The following LDB2 variants were observed in gnomAD, a reference collection of about 807,000 sequenced individuals.
The protein encoded by LDB2 is LIM domain-binding protein 2.
In LDB2, 12 loss-of-function variants were observed where a neutral mutation model predicts 44.3. That is an observed-to-expected ratio of 0.27 (90% CI 0.17 to 0.44). LDB2 has a LOEUF of 0.44. Ranked by LOEUF, LDB2 falls within the 20% of genes least tolerant of loss-of-function variation. The pLI, the probability that LDB2 is intolerant of heterozygous loss-of-function variation, is 1.00. For missense variants in LDB2, 344 were observed against 473.5 expected (o/e 0.73, Z 2.54); for synonymous variants, 164 against 174.8 (o/e 0.94, Z 0.49).
At chr4:16,552,127 T>C (rs1737901495) in intron 5 of LDB2, among the ~76,000 whole-genome samples, 1 of 152,204 alleles carries the variant, frequency 6.6e-6, no homozygotes, top group East Asian at 1.9e-4. Context: ...TTGTATTATA[T>C]TTTGTGTACC....
chr4:16,720,268 G>C (rs1056087918), intron 2 of LDB2, among the ~76,000 whole-genome samples: 1 of 152,036 alleles, frequency 6.6e-6, no homozygotes, highest in Non-Finnish European at 1.5e-5. Flanking sequence ...GAGGGGTGGT[G>C]GGGGCGGGTA....
chr4:16,591,813 A>G (rs573383749), intron 3 of LDB2, among the ~76,000 whole-genome samples: 1 of 152,202 alleles, frequency 6.6e-6, no homozygotes, highest in Non-Finnish European at 1.5e-5. Context: ...CTCTCTTCAG[A>G]AAAATTCTGT....
intron 2 of LDB2, among the ~76,000 whole-genome samples, chr4:16,597,163 T>C (rs921459007): frequency 6.6e-6 from 1 of 152,122 alleles, no homozygotes; most frequent in African/African-American, 2.4e-5. Context: ...TTGGAAAAAA[T>C]AAGTATAAAG....
At chr4:16,881,034 G>A (rs1719947743) in intron 1 of LDB2, among the ~76,000 whole-genome samples, 1 of 152,024 alleles carries the variant, frequency 6.6e-6, no homozygotes, top group Non-Finnish European at 1.5e-5. Context: ...ACAGATACTG[G>A]TCCCACAGTT....
At chr4:16,725,342 C>A (rs553380387) in intron 2 of LDB2, among the ~76,000 whole-genome samples, 53 of 151,874 alleles carry the variant, frequency 3.5e-4, no homozygotes, top group African/African-American at 1.2e-3. Flanking sequence ...TAGACAATGG[C>A]CAGACCATAC....
At chr4:16,798,936 C>T (rs1028460437) in intron 1 of LDB2, among the ~76,000 whole-genome samples, 1 of 152,094 alleles carries the variant, frequency 6.6e-6, no homozygotes, top group Non-Finnish European at 1.5e-5. Flanking sequence ...CTGCAAACTC[C>T]GCCTCCCGGG....
At chr4:16,519,757 A>G (rs1439639424) in intron 5 of LDB2, among the ~76,000 whole-genome samples, 1 of 151,670 alleles carries the variant, frequency 6.6e-6, no homozygotes, top group African/African-American at 2.4e-5. Context: ...TTCCTCATCT[A>G]GAAAATGGGG....
At chr4:16,890,045 C>G (rs1580525376) in intron 1 of LDB2, among the ~76,000 whole-genome samples, 1 of 152,276 alleles carries the variant, frequency 6.6e-6, no homozygotes, top group East Asian at 1.9e-4. Context: ...TAATACTTAG[C>G]TGAGTTATTA....
chr4:16,679,871 T>G (rs1041366538), intron 2 of LDB2, among the ~76,000 whole-genome samples: 3 of 152,252 alleles, frequency 2.0e-5, no homozygotes, highest in Admixed American at 2.0e-4. Context: ...CAGCCACTTA[T>G]GTCTCTGCAT....
chr4:16,701,057 G>T (rs1045608050), intron 2 of LDB2, among the ~76,000 whole-genome samples: 3 of 152,146 alleles, frequency 2.0e-5, no homozygotes, highest in Admixed American at 6.6e-5. Context: ...AAGCACAGAA[G>T]GGTTAAATAA....
intron 2 of LDB2, among the ~76,000 whole-genome samples, chr4:16,635,991 C>G (rs755528286): frequency 2.0e-5 from 3 of 152,158 alleles, no homozygotes; most frequent in Non-Finnish European, 4.4e-5. Flanking sequence ...AGTGGAGGCT[C>G]TCACTGAGAA....
chr4:16,545,077 A>T (rs1293316546), intron 5 of LDB2, among the ~76,000 whole-genome samples: 1 of 152,142 alleles, frequency 6.6e-6, no homozygotes, highest in Non-Finnish European at 1.5e-5. Context: ...CACCAGCTGT[A>T]GCAAAGAAAA....
At chr4:16,531,472 G>T (rs1490884122) in intron 5 of LDB2, among the ~76,000 whole-genome samples, 1 of 152,198 alleles carries the variant, frequency 6.6e-6, no homozygotes, top group Non-Finnish European at 1.5e-5. Flanking sequence ...CAGGAGTTCT[G>T]CATCAAATCC....
intron 2 of LDB2, among the ~76,000 whole-genome samples, chr4:16,677,030 T>C (rs1413143562): frequency 6.6e-6 from 1 of 152,196 alleles, no homozygotes; most frequent in Non-Finnish European, 1.5e-5. Context: ...TTTGAGAAAG[T>C]CCCTTAACCT....
chr4:16,582,055 G>T lies in LDB2; in HGVS notation c.615+3867C>A, dbSNP rs1435271253. Among the ~76,000 whole-genome samples the T allele has an allele frequency of 1.4e-5, 2 of 145,426 alleles. No homozygotes were observed. The highest frequency in any genetic ancestry group is 3.1e-5 in the Non-Finnish European group (2 of 65,572). ...GAAGGAAGGAAGGAAGGAAGGAAAA[G>T]AAAGTAAGTCCCTGCAAAGCATATA... is the stretch of plus-strand genomic sequence containing the variant. On this transcript the variant is annotated intron_variant, in intron 5 of 7. Transcript: ENST00000304523. The surrounding 1 kb of genome is among the most constrained non-coding windows in gnomAD (Gnocchi z 4.8).
At chr4:16,634,138 A>C (rs545746032) in intron 2 of LDB2, among the ~76,000 whole-genome samples, 1 of 152,186 alleles carries the variant, frequency 6.6e-6, no homozygotes, top group African/African-American at 2.4e-5. Flanking sequence ...ACTTAAATGT[A>C]AGATCTAAGA....
At chr4:16,734,854 G>A (rs1207169022) in intron 2 of LDB2, among the ~76,000 whole-genome samples, 4 of 151,786 alleles carry the variant, frequency 2.6e-5, no homozygotes, top group South Asian at 2.1e-4. Context: ...GACAACAGGC[G>A]CCCACCACCA....
At chr4:16,647,523 C>T (rs1289346275) in intron 2 of LDB2, among the ~76,000 whole-genome samples, 1 of 152,092 alleles carries the variant, frequency 6.6e-6, no homozygotes, top group Non-Finnish European at 1.5e-5. Flanking sequence ...TAATATGCAG[C>T]CCCTAGTGAA....
intron 1 of LDB2, among the ~76,000 whole-genome samples, chr4:16,774,502 G>A (rs76013711): frequency 6.6e-6 from 1 of 152,126 alleles, no homozygotes; most frequent in Non-Finnish European, 1.5e-5. Context: ...GTTGTTTTCT[G>A]TATTCTTGTT....
Sources: allele counts gnomAD v4.1 joint callset (sites outside exome capture counted in the v4.1 genomes callset), GRCh38; gene constraint gnomAD v4.1.1; non-coding constraint Gnocchi (gnomAD v3.1); transcripts MANE v1.5; gene names NCBI Gene and HGNC (gene_info 2026-07-23, HGNC 2026-07-21).